Variants in EPHA6 observed in about 807,000 individuals in gnomAD.
The protein encoded by EPHA6 is ephrin type-A receptor 6.
EPHA6 carries 50 observed loss-of-function variants against 112.0 expected under a neutral mutation model. That is an observed-to-expected ratio of 0.45 (90% confidence interval 0.36 to 0.56). EPHA6 has a LOEUF of 0.56. Ranked by LOEUF, EPHA6 falls within the 20% of genes least tolerant of loss-of-function variation. EPHA6 has a pLI of 0.00. For missense variants in EPHA6, 1,280 were observed against 1,417.4 expected (o/e 0.90, Z 1.56); for synonymous variants, 529 against 490.7 (o/e 1.08, Z -1.03).
At chr3:97,644,496 A>C (rs555026665) in intron 14 of EPHA6, among the ~76,000 whole-genome samples, 52 of 152,184 alleles carry the variant, frequency 3.4e-4, no homozygotes, top group African/African-American at 1.2e-3. Context: ...TAATGAATCC[A>C]GGAGCTGGTT....
chr3:97,540,243 G>A (rs1220138652), intron 11 of EPHA6, among the ~76,000 whole-genome samples: 1 of 152,082 alleles, frequency 6.6e-6, no homozygotes, highest in Non-Finnish European at 1.5e-5. Context: ...ATTTCTAGAG[G>A]CTTGATGGAT....
intron 2 of EPHA6, among the ~76,000 whole-genome samples, chr3:96,934,799 G>A (rs2040497013): frequency 6.6e-6 from 1 of 151,136 alleles, no homozygotes; most frequent in Non-Finnish European, 1.5e-5. Context: ...TAATTCAAAT[G>A]TCCTTTTCCT....
intron 5 of EPHA6, among the ~76,000 whole-genome samples, chr3:97,270,832 CAAG>C (rs1400545883): frequency 6.6e-6 from 1 of 152,152 alleles, no homozygotes; most frequent in Non-Finnish European, 1.5e-5. Context: ...CACTCATAGA[CAAG>C]AAGCACAATA....
chr3:97,563,478 A>G (rs535052794), intron 11 of EPHA6, among the ~76,000 whole-genome samples: 2 of 152,330 alleles, frequency 1.3e-5, no homozygotes, highest in South Asian at 4.1e-4. Context: ...TCATAGGGAC[A>G]TATCAGCAAG....
chr3:96,916,699 A>G (rs2039498834), intron 2 of EPHA6, among the ~76,000 whole-genome samples: 1 of 152,170 alleles, frequency 6.6e-6, no homozygotes, highest in Admixed American at 6.5e-5. Context: ...GCCTAATATC[A>G]TAGATTACGT....
At chr3:97,242,007 G>A (rs1030799571) in intron 4 of EPHA6, among the ~76,000 whole-genome samples, 1 of 151,488 alleles carries the variant, frequency 6.6e-6, no homozygotes, top group Admixed American at 6.6e-5. Flanking sequence ...AAAAAGCTAC[G>A]TTTATCCCTG....
chr3:97,185,925 A>G (rs576070529), intron 3 of EPHA6, among the ~76,000 whole-genome samples: 1 of 152,048 alleles, frequency 6.6e-6, no homozygotes, highest in East Asian at 1.9e-4. Context: ...ACATGGATGA[A>G]GCTGGAAACC....
Position 97,592,624 on chromosome 3 carries a change from C to A in EPHA6, c.2399C>A (p.Ala800Asp), listed in dbSNP as rs1451783883. The A allele has an allele frequency of 1.9e-6, 3 of 1,613,108 alleles. No individual in the cohort carries two copies. Among genetic ancestry groups the A allele is most frequent in the Non-Finnish European group, 2.5e-6 (3 of 1,179,456 alleles). The change falls in exon 12 of 18, where the codon GCC becomes GAC. Residue 800 changes from alanine (A) to aspartate (D), a missense_variant. Ala to Asp is a moderately radical substitution (Grantham distance 126). Transcript: ENST00000389672. ...TATCTCTTAAAAGGATCCTTCCCGG[C>A]CATTGGGGTGGAGGCGTTTTGCCCC... is the stretch of plus-strand genomic sequence containing the variant. ...EGVVTKRSFP[A>D]IGVEAFCPSF... is the part of the protein sequence containing the mutation.
At chr3:96,997,476 G>T (rs1019180553) in intron 3 of EPHA6, among the ~76,000 whole-genome samples, 9 of 151,910 alleles carry the variant, frequency 5.9e-5, no homozygotes, top group African/African-American at 2.2e-4. Flanking sequence ...AGAGGTCATT[G>T]TAGGGTTATT....
chr3:97,404,368 G>A (rs2087197895), intron 5 of EPHA6, among the ~76,000 whole-genome samples: 1 of 152,092 alleles, frequency 6.6e-6, no homozygotes, highest in African/African-American at 2.4e-5. Context: ...GCGTATCAAT[G>A]TGTTTTAATT....
chr3:96,982,006 C>G (rs948014888), intron 2 of EPHA6, among the ~76,000 whole-genome samples: 1 of 152,124 alleles, frequency 6.6e-6, no homozygotes, highest in Non-Finnish European at 1.5e-5. Context: ...AAAAAACCAT[C>G]CACTGGACTC....
chr3:97,212,256 C>G lies in EPHA6; in HGVS notation c.1115-14008C>G, dbSNP rs564140676. Among the ~76,000 whole-genome samples, 131 of 152,014 alleles carry G rather than the reference C, an allele frequency of 8.6e-4. 1 individual carries two copies. In the Middle Eastern group the frequency reaches 0.01, roughly 12 times the overall value. On this transcript the variant is annotated intron_variant, in intron 3 of 17. Coordinates refer to ENST00000389672, the MANE Select transcript of EPHA6 (RefSeq NM_001080448.3). ...GATTCACTGAGCACATTTTTTAAAA[C>G]CAAATATGAAGAAAGTAATATTAAT...
intron 10 of EPHA6, among the ~76,000 whole-genome samples, chr3:97,526,483 TG>T (rs62872762): frequency 1 from 152,200 of 152,212 alleles, 76,094 homozygotes; most frequent in Middle Eastern, 1. Context: ...CCAGTGGCAG[TG>T]GGGGGGTGAG....
At chr3:96,930,489 A>T (rs912398071) in intron 2 of EPHA6, among the ~76,000 whole-genome samples, 3 of 152,116 alleles carry the variant, frequency 2.0e-5, no homozygotes, top group African/African-American at 7.2e-5. Flanking sequence ...TCCCCTCTAT[A>T]CCAAGGTTGC....
At chr3:96,863,429 A>AC (rs1250161604) in intron 1 of EPHA6, among the ~76,000 whole-genome samples, 3 of 151,980 alleles carry the variant, frequency 2.0e-5, no homozygotes, top group African/African-American at 4.8e-5. Flanking sequence ...TAAAATATTT[A>AC]CTACATATCT....
chr3:96,956,680 T>C (rs939437729), intron 2 of EPHA6, among the ~76,000 whole-genome samples: 6 of 151,890 alleles, frequency 4.0e-5, no homozygotes, highest in African/African-American at 1.5e-4. Flanking sequence ...TAAAATTTAA[T>C]AAAAAGAGAA....
At chr3:97,171,526 A>G (rs2076701588) in intron 3 of EPHA6, among the ~76,000 whole-genome samples, 2 of 152,134 alleles carry the variant, frequency 1.3e-5, no homozygotes, top group African/African-American at 4.8e-5. Context: ...TAAAGATAGA[A>G]CCAATATGTT....
At chr3:97,457,508 T>G (rs1248336796) in intron 7 of EPHA6, among the ~76,000 whole-genome samples, 1 of 152,166 alleles carries the variant, frequency 6.6e-6, no homozygotes, top group Admixed American at 6.5e-5. Context: ...AGGTTAAAAG[T>G]ATTTCATATA....
In EPHA6 at chr3:97,722,940, T is replaced by C. The variant is rs114633016; in HGVS notation, c.2934+2530T>C. Among the ~76,000 whole-genome samples, 658 of 152,190 alleles carry C rather than the reference T, an allele frequency of 4.3e-3. 8 individuals are homozygous for C. Among genetic ancestry groups the C allele is most frequent in the African/African-American group, 0.015 (635 of 41,526 alleles). Reference sequence around the variant, plus strand: ...TGGCCACAGTTATGTGGACTATAACTCAACCATGAAAGACACTTAACTTTA... The same window carrying C: ...TGGCCACAGTTATGTGGACTATAACCCAACCATGAAAGACACTTAACTTTA... On this transcript the variant is annotated intron_variant, in intron 15 of 17. Coordinates refer to ENST00000389672, the MANE Select transcript of EPHA6 (RefSeq NM_001080448.3).
Sources: allele counts gnomAD v4.1 joint callset (sites outside exome capture counted in the v4.1 genomes callset), GRCh38; gene constraint gnomAD v4.1.1; transcripts MANE v1.5; gene names NCBI Gene and HGNC (gene_info 2026-07-23, HGNC 2026-07-21).